ZNF106: variants seen among roughly 807,000 people sequenced by gnomAD.
The protein encoded by ZNF106 is SH3-domain binding protein 3.
Under a neutral mutation model 195.1 loss-of-function variants are expected in ZNF106, and 67 were observed. The ratio of observed to expected loss-of-function variants is 0.34; its 90% CI spans 0.28 to 0.42. ZNF106 has a LOEUF of 0.42. ZNF106 is among the 10% of genes least tolerant of loss of function. The pLI, the probability that ZNF106 is intolerant of heterozygous loss-of-function variation, is 1.00. For missense variants in ZNF106, 2,118 were observed against 2,304.5 expected (o/e 0.92, Z 1.66); for synonymous variants, 784 against 818.6 (o/e 0.96, Z 0.72).
chr15:42,450,304 C>G lies in ZNF106; in HGVS notation c.1968G>C (p.Lys656Asn). The G allele has an allele frequency of 6.2e-7, 1 of 1,614,146 alleles. No homozygotes were observed. The highest frequency in any genetic ancestry group is 8.5e-7 in the Non-Finnish European group (1 of 1,180,038). The change falls in exon 5 of 22, where the codon AAG becomes AAC. Residue 656 changes from lysine (K) to asparagine (N), a missense_variant. By Grantham distance (94) the Lys-to-Asn change is moderately conservative. Coordinates refer to ENST00000564754, the MANE Select transcript of ZNF106 (RefSeq NM_001366845.3). ...DEKEEDDRIL[K>N]TSRELSTSPC... is the part of the protein sequence containing the mutation. ...GGGAAGTGGATAGCTCTCTAGAAGT[C>G]TTCAGGATGCGGTCATCCTCCTCTT...
chr15:42,477,041 C>G (rs1424423560), intron 1 of ZNF106, among the ~76,000 whole-genome samples: 4 of 152,070 alleles, frequency 2.6e-5, no homozygotes, highest in African/African-American at 7.2e-5. Context: ...CACAGGGTAT[C>G]GGTGCCCCCA....
chr15:42,434,352 A>AAAC (rs1182939497), intron 14 of ZNF106, among the ~76,000 whole-genome samples: 6 of 152,154 alleles, frequency 3.9e-5, no homozygotes, highest in African/African-American at 1.4e-4. Context: ...AACAAAAAAA[A>AAAC]CACCTCTGGG....
chr15:42,452,007 T>A, intron 4 of ZNF106, 53 bp from the exon 5 acceptor site: 2 of 1,546,696 alleles, frequency 1.3e-6, no homozygotes, highest in Non-Finnish European at 1.7e-6. Flanking sequence ...CTATGCTACC[T>A]TGAAAGGCAT....
intron 1 of ZNF106, among the ~76,000 whole-genome samples, chr15:42,488,139 ATTTT>A (rs548355328): frequency 3.3e-5 from 5 of 152,036 alleles, no homozygotes; most frequent in Non-Finnish European, 7.4e-5. Flanking sequence ...AAATTTGTGA[ATTTT>A]TTTTCCCCAA....
In ZNF106 at chr15:42,414,801, A is replaced by G. The variant is rs1461549957; in HGVS notation, c.*2503T>C. 6.6e-6 allele frequency: 1 copy of G among 152,278 alleles called. No individual in the cohort carries two copies. Among genetic ancestry groups the G allele is most frequent in the Non-Finnish European group, 1.5e-5 (1 of 68,088 alleles). The allele number at this position is 152,278 out of a possible 1,614,324, so 9.4% of individuals were successfully genotyped here. A position where few individuals can be genotyped will look rare whatever the true frequency, so the allele number is the denominator to read the frequency against. On this transcript the variant is annotated 3_prime_UTR_variant, in exon 22 of 22. Transcript: ENST00000564754. ...AATGCGGCTTCACTACAGCCCAGAG[A>G]AAAGGGCCAGGTTTAGTCATCGATC...
At chr15:42,445,040 G>A (rs1369464956) in intron 7 of ZNF106, 59 bp from the exon 8 acceptor site, 32 of 1,589,750 alleles carry the variant, frequency 2.0e-5, no homozygotes, top group Non-Finnish European at 2.7e-5. Context: ...TCATCACACA[G>A]CTCAGAAGAC....
chr15:42,486,637 A>T (rs1409389355), intron 1 of ZNF106, among the ~76,000 whole-genome samples: 1 of 152,050 alleles, frequency 6.6e-6, no homozygotes, highest in Non-Finnish European at 1.5e-5. Context: ...TTCATTTAGA[A>T]GTTTGGTGAT....
intron 1 of ZNF106, among the ~76,000 whole-genome samples, chr15:42,484,929 C>T (rs866073953): frequency 4.6e-5 from 7 of 152,112 alleles, no homozygotes; most frequent in African/African-American, 1.2e-4. Flanking sequence ...GAAGCGGAGG[C>T]GGGCGGATCG....
intron 9 of ZNF106, among the ~76,000 whole-genome samples, chr15:42,442,982 C>A (rs554567686): frequency 1.1e-4 from 17 of 151,922 alleles, no homozygotes; most frequent in South Asian, 4.2e-4. Context: ...TGGGGTTTCA[C>A]CATGTTGGTC....
At chr15:42,478,943 T>G (rs2056842889) in intron 1 of ZNF106, among the ~76,000 whole-genome samples, 1 of 152,268 alleles carries the variant, frequency 6.6e-6, no homozygotes, top group Non-Finnish European at 1.5e-5. Flanking sequence ...AATTTTGATG[T>G]CGTATTTTCA....
rs574435008 is a variant in ZNF106, at chr15:42,451,266, C to T, written c.1006G>A (p.Asp336Asn). Residue 336 changes from aspartate (D) to asparagine (N), a missense_variant, in exon 5 of 22, where the codon GAC becomes AAC. Physicochemically the swap from Asp to Asn is conservative, Grantham distance 23. Transcript: ENST00000564754. ...CTTTCCAGCTGCTCAAAATTGAAGTCGAGTAAGCCTTCTGAAGGAAATTTA... is the reference window on the plus strand; with the variant it reads ...CTTTCCAGCTGCTCAAAATTGAAGTTGAGTAAGCCTTCTGAAGGAAATTTA... ...SDKFPSEGLL[D>N]FNFEQLESQT... 58 of 1,614,150 alleles carry T rather than the reference C, an allele frequency of 3.6e-5. No homozygotes were observed. The South Asian group carries it at 5.4e-4, about 15-fold the overall frequency.
At chr15:42,476,304 C>A (rs1401712041) in intron 1 of ZNF106, among the ~76,000 whole-genome samples, 1 of 152,178 alleles carries the variant, frequency 6.6e-6, no homozygotes, top group Non-Finnish European at 1.5e-5. Flanking sequence ...TTCTGAAATA[C>A]TGTAATTAGC....
chr15:42,439,607 T>C lies in ZNF106; in HGVS notation c.3970A>G (p.Asn1324Asp), dbSNP rs148601014. The part of the protein sequence containing the change: ...NKEGEEPTKG[N>D]SGSEACTSSF... ...CTGGTACAGGCTTCAGACCCACTAT[T>C]GCCTTTGGTTGGCTCTTCCCCTTCT... Residue 1324 changes from asparagine to aspartate, a missense_variant, in exon 11 of 22, where the codon AAT (asparagine) becomes GAT (aspartate). Asn to Asp is a conservative substitution (Grantham distance 23). Transcript: ENST00000564754. The C allele has an allele frequency of 2.4e-3, 3,904 of 1,614,016 alleles. 4 individuals are homozygous for C. The highest frequency in any genetic ancestry group is 3.1e-3 in the Non-Finnish European group (3,612 of 1,179,970).
chr15:42,480,756 A>G (rs2056882068), intron 1 of ZNF106, among the ~76,000 whole-genome samples: 1 of 152,264 alleles, frequency 6.6e-6, no homozygotes, highest in East Asian at 1.9e-4. Flanking sequence ...AGGCCAAGGC[A>G]GGAGGATCAC....
intron 3 of ZNF106, among the ~76,000 whole-genome samples, chr15:42,459,201 C>T (rs371640460): frequency 4.6e-5 from 7 of 152,046 alleles, no homozygotes; most frequent in Admixed American, 3.9e-4. Context: ...TTCGGCCAGG[C>T]GTGGTGGCTC....
rs762132244 is a variant in ZNF106 at position 42,450,431 on chromosome 15, T to A, written c.1841A>T (p.Asp614Val). The A allele has an allele frequency of 3.1e-6, 5 of 1,614,070 alleles. No homozygotes were observed. The highest frequency in any genetic ancestry group is 4.5e-5 in the East Asian group (2 of 44,902). The change falls in exon 5 of 22, where the codon GAT becomes GTT. Residue 614 changes from aspartate (D) to valine (V), a missense_variant. Physicochemically the swap from Asp to Val is radical, Grantham distance 152. Transcript: ENST00000564754. Reference protein sequence around the residue: ...FQVHALEDESDGETSDTEKHG... With the variant: ...FQVHALEDESVGETSDTEKHG... The stretch of plus-strand genomic sequence containing the variant: ...CTTTTCCGTGTCAGATGTCTCTCCA[T>A]CACTTTCATCTTCTAGTGCGTGCAC...
Position 42,444,138 on chromosome 15 carries a change from A to G in ZNF106, c.3421+64T>C, listed in dbSNP as rs11334031. The G allele has an allele frequency of 7.5e-5, 63 of 834,508 alleles. 1 individual carries two copies. The highest frequency in any genetic ancestry group is 5.6e-4 in the South Asian group (26 of 46,288). 51.7% of individuals were successfully genotyped at this position (834,508 alleles called of 1,614,324 possible). A position where few individuals can be genotyped will look rare whatever the true frequency, so the allele number is the denominator to read the frequency against. On this transcript the variant is annotated intron_variant, in intron 9 of 21. Transcript: ENST00000564754. ...AAAAAAAAAAAAAAAAAAAAAAAAAAGCAGAGAAAACAAAAAAGTAACACG... is the reference window on the plus strand; with the variant it reads ...AAAAAAAAAAAAAAAAAAAAAAAAAGGCAGAGAAAACAAAAAAGTAACACG...
chr15:42,450,901 A>C lies in ZNF106; in HGVS notation c.1371T>G (p.Thr457=). Residue 457 remains threonine, a synonymous_variant, in exon 5 of 22, where the codon ACT becomes ACG. Coordinates refer to ENST00000564754, the MANE Select transcript of ZNF106 (RefSeq NM_001366845.3). ...TATGCTCTTGTTCAGGTTTTTCTGC[A>C]GTGGGGCACTGTCTCACCACCTCGA... is the stretch of plus-strand genomic sequence containing the variant. ...ASFEVVRQCP[T]AEKPEQEHTP... 1 of 1,614,200 alleles carries C rather than the reference A, an allele frequency of 6.2e-7. No homozygotes were observed. Among genetic ancestry groups the C allele is most frequent in the Non-Finnish European group, 8.5e-7 (1 of 1,180,044 alleles).
intron 4 of ZNF106, among the ~76,000 whole-genome samples, chr15:42,454,757 A>C (rs1236079793): frequency 6.6e-6 from 1 of 151,730 alleles, no homozygotes; most frequent in Non-Finnish European, 1.5e-5. Flanking sequence ...TTAGCCACGC[A>C]TGGTGGCGAT....
Sources: allele counts gnomAD v4.1 joint callset (sites outside exome capture counted in the v4.1 genomes callset), GRCh38; gene constraint gnomAD v4.1.1; transcripts MANE v1.5; gene names NCBI Gene and HGNC (gene_info 2026-07-23, HGNC 2026-07-21).